The following UNC5C variants were observed in gnomAD, a reference collection of about 807,000 sequenced individuals.
UNC5C encodes netrin receptor UNC5C.
Under a neutral mutation model 99.8 loss-of-function variants are expected in UNC5C, and 47 were observed. The observed-to-expected ratio is 0.47, with a 90% CI of 0.37 to 0.60. UNC5C has a LOEUF of 0.60. Ranked by LOEUF, UNC5C falls within the 20% of genes least tolerant of loss-of-function variation. The pLI is 0.00. For missense variants in UNC5C, 1,062 were observed against 1,165.9 expected, an observed-to-expected ratio of 0.91 and a Z score of 1.30; for synonymous variants, 487 against 452.2, an observed-to-expected ratio of 1.08 and a Z score of -0.98.
chr4:95,257,709 C>T (rs1157618270), intron 4 of UNC5C, among the ~76,000 whole-genome samples: 1 of 152,166 alleles, frequency 6.6e-6, no homozygotes, highest in African/African-American at 2.4e-5. Context: ...TAAAAATTCC[C>T]ATTATTTCCA....
intron 12 of UNC5C, among the ~76,000 whole-genome samples, chr4:95,202,138 C>G (rs959267832): frequency 1.3e-5 from 2 of 152,178 alleles, no homozygotes; most frequent in Non-Finnish European, 2.9e-5. Flanking sequence ...TCTGACTTAC[C>G]TCCTCAACCT....
chr4:95,356,226 A>AAC (rs1553966181), intron 1 of UNC5C, among the ~76,000 whole-genome samples: 19 of 144,810 alleles, frequency 1.3e-4, no homozygotes, highest in South Asian at 6.7e-4. Flanking sequence ...AACAAAAAAA[A>AAC]AACAGATTCC....
Position 95,206,664 on chromosome 4 carries a change from T to A in UNC5C, c.1866A>T (p.Ile622=), listed in dbSNP as rs1737887269. 2 of 1,614,052 alleles carry A rather than the reference T, an allele frequency of 1.2e-6. No individual in the cohort carries two copies. The highest frequency in any genetic ancestry group is 2.7e-5 in the African/African-American group (2 of 74,916). The change falls in exon 11 of 16, where the codon ATA becomes ATT. Residue 622 remains isoleucine (I), a synonymous_variant. Transcript: ENST00000453304. ...CCTGTGCTGCCTGGTTCTTGAGCAG[T>A]ATTTTCCAGTCCTCGGTATTGGGGT... ...CADPNTEDWK[I]LLKNQAAQGQ...
intron 1 of UNC5C, among the ~76,000 whole-genome samples, chr4:95,427,059 A>G (rs1464186870): frequency 6.6e-6 from 1 of 152,216 alleles, no homozygotes; most frequent in African/African-American, 2.4e-5. Context: ...AGTGATCCTT[A>G]TGAATGACTT....
chr4:95,259,204 T>A (rs1740128079), intron 4 of UNC5C, among the ~76,000 whole-genome samples: 1 of 152,134 alleles, frequency 6.6e-6, no homozygotes, highest in South Asian at 2.1e-4. Flanking sequence ...TCTGTATGCC[T>A]TAGAGTCCTC....
intron 1 of UNC5C, among the ~76,000 whole-genome samples, chr4:95,340,025 T>G (rs1477777715): frequency 1.3e-5 from 2 of 152,104 alleles, no homozygotes; most frequent in Non-Finnish European, 2.9e-5. Flanking sequence ...TCTCAGTATT[T>G]CCTTTTTTCT....
chr4:95,291,078 T>G (rs1242311857), intron 3 of UNC5C, among the ~76,000 whole-genome samples: 1 of 152,170 alleles, frequency 6.6e-6, no homozygotes, highest in African/African-American at 2.4e-5. Context: ...ACATTTGTAT[T>G]CAGATAGTCT....
intron 1 of UNC5C, among the ~76,000 whole-genome samples, chr4:95,511,706 G>A (rs1170317006): frequency 6.6e-6 from 1 of 152,106 alleles, no homozygotes; most frequent in Non-Finnish European, 1.5e-5. Flanking sequence ...TAGATGCATA[G>A]GAGATAAAGC....
intron 1 of UNC5C, among the ~76,000 whole-genome samples, chr4:95,483,980 G>A (rs1437442605): frequency 6.6e-6 from 1 of 151,778 alleles, no homozygotes; most frequent in Non-Finnish European, 1.5e-5. Context: ...AGGCATTAGG[G>A]TTTAAATGGT....
intron 1 of UNC5C, among the ~76,000 whole-genome samples, chr4:95,393,374 G>A (rs1219888614): frequency 1.3e-5 from 2 of 152,124 alleles, no homozygotes; most frequent in Non-Finnish European, 2.9e-5. Flanking sequence ...GTGGAACACT[G>A]TTGGAGGAAT....
intron 12 of UNC5C, among the ~76,000 whole-genome samples, chr4:95,199,208 T>C (rs1296796708): frequency 1.3e-5 from 2 of 152,152 alleles, no homozygotes; most frequent in Non-Finnish European, 1.5e-5. Context: ...GGAGAGAGTA[T>C]GTTGGGAACA....
At position 95,168,479 on chromosome 4, in the gene UNC5C, A is replaced by G. The variant is rs1269543192; in HGVS notation, c.*755T>C. 1 of 152,576 alleles carries G rather than the reference A, an allele frequency of 6.6e-6. No homozygotes were observed. Among genetic ancestry groups the G allele is most frequent in the Non-Finnish European group, 1.5e-5 (1 of 68,032 alleles). The allele number at this position is 152,576 out of a possible 1,614,324, so 9.5% of individuals were successfully genotyped here. On this transcript the variant is annotated 3_prime_UTR_variant, in exon 16 of 16. Transcript: ENST00000453304. ...TTCATATTGCATATTACAAACAAAC[A>G]CACATGTTGTGAAAAAAATGCTTGT...
chr4:95,430,527 G>T (rs1024270527), intron 1 of UNC5C, among the ~76,000 whole-genome samples: 1 of 151,974 alleles, frequency 6.6e-6, no homozygotes, highest in African/African-American at 2.4e-5. Context: ...TGGAATCTTC[G>T]ACCATTTGTT....
rs571264333 is a variant in UNC5C at position 95,522,438 on chromosome 4, T to C, written c.124+26296A>G. Among the ~76,000 whole-genome samples the C allele has an allele frequency of 1.3e-3, 200 of 151,800 alleles. 1 individual carries two copies. Among genetic ancestry groups the C allele is most frequent in the Non-Finnish European group, 2.5e-3 (171 of 67,900 alleles). On this transcript the variant is annotated intron_variant, in intron 1 of 15. Coordinates refer to ENST00000453304, the MANE Select transcript of UNC5C (RefSeq NM_003728.4). ...CACAGGTGTGCATGAGAGAGAGACA[T>C]GAGGGAGAGAGAGAAGAGGTTTGGG...
At chr4:95,256,599 C>T (rs1212933900) in intron 4 of UNC5C, among the ~76,000 whole-genome samples, 2 of 151,288 alleles carry the variant, frequency 1.3e-5, no homozygotes, top group African/African-American at 2.4e-5. Context: ...GAAAACTCAA[C>T]TGTCTATTTT....
intron 1 of UNC5C, among the ~76,000 whole-genome samples, chr4:95,340,869 G>C (rs1743544188): frequency 6.6e-6 from 1 of 152,028 alleles, no homozygotes; most frequent in African/African-American, 2.4e-5. Flanking sequence ...CTGCCATGTA[G>C]TCTACAGTGT....
At chr4:95,284,075 G>A (rs1741150770) in intron 3 of UNC5C, among the ~76,000 whole-genome samples, 1 of 151,446 alleles carries the variant, frequency 6.6e-6, no homozygotes, top group South Asian at 2.1e-4. Flanking sequence ...ACACACATGT[G>A]CATACAAAGT....
chr4:95,379,769 A>C (rs895571207), intron 1 of UNC5C, among the ~76,000 whole-genome samples: 5 of 152,192 alleles, frequency 3.3e-5, no homozygotes, highest in African/African-American at 1.2e-4. Flanking sequence ...CCATCAGAAT[A>C]AGAACGGCTT....
At chr4:95,292,239 ATAT>A (rs1741496687) in intron 3 of UNC5C, among the ~76,000 whole-genome samples, 1 of 16,666 alleles carries the variant, frequency 6.0e-5, no homozygotes, top group African/African-American at 3.8e-4. Flanking sequence ...ACACACACAT[ATAT>A]ATATATATAT....
Sources: gnomAD v4.1 joint callset for allele counts (sites outside exome capture counted in the v4.1 genomes callset) on GRCh38, gnomAD v4.1.1 for gene constraint, MANE v1.5 for transcripts, NCBI Gene and HGNC (gene_info 2026-07-23, HGNC 2026-07-21) for gene names.